CSMD1: variants seen among roughly 807,000 people sequenced by gnomAD.
CSMD1 encodes the protein CUB and sushi domain-containing protein 1.
A neutral mutation model predicts 417.5 loss-of-function variants in CSMD1; 213 were observed. The observed-to-expected ratio is 0.51, with a 90% confidence interval of 0.46 to 0.57. The LOEUF (loss-of-function observed/expected upper bound fraction) is 0.57, where lower values mean the gene tolerates loss of function less well. CSMD1 is among the 20% of genes least tolerant of loss of function. The probability of loss-of-function intolerance (pLI) is 0.00; values close to 1 mark genes in which losing one functional copy is unlikely to be tolerated. For missense variants in CSMD1, 6,923 were observed against 4,529.7 expected, an observed-to-expected ratio of 1.53 and a Z score of -15.17; for synonymous variants, 2,862 against 1,736.8, an observed-to-expected ratio of 1.65 and a Z score of -16.11.
chr8:3,878,267 G>C (rs1362382924), intron 5 of CSMD1, among the ~76,000 whole-genome samples: 2 of 152,096 alleles, frequency 1.3e-5, no homozygotes, highest in East Asian at 3.9e-4. Context: ...ACAATTTCCA[G>C]GAATGGGACT....
Position 3,831,796 on chromosome 8 carries a change from G to A in CSMD1, c.819-77754C>T, listed in dbSNP as rs142970392. On this transcript the variant is annotated intron_variant, in intron 5 of 69. Coordinates refer to ENST00000635120, the MANE Select transcript of CSMD1 (RefSeq NM_033225.6). ...ATTTGGGATATTTTTGCTCACACGC[G>A]GGACTGTGAAATGCTGCCCATCATA... Among the ~76,000 whole-genome samples the A allele has an allele frequency of 4.1e-3, 620 of 152,146 alleles. 5 individuals are homozygous for A. Among genetic ancestry groups the A allele is most frequent in the African/African-American group, 0.014 (588 of 41,516 alleles).
chr8:3,663,235 G>A (rs1461712773), intron 7 of CSMD1, among the ~76,000 whole-genome samples: 1 of 152,158 alleles, frequency 6.6e-6, no homozygotes, highest in Non-Finnish European at 1.5e-5. Context: ...AAGAGTTGAA[G>A]AGGCCGTTCT....
chr8:4,580,725 A>G (rs1057197740), intron 2 of CSMD1, among the ~76,000 whole-genome samples: 2 of 152,194 alleles, frequency 1.3e-5, no homozygotes, highest in African/African-American at 4.8e-5. Context: ...CTTCCTGATT[A>G]AATCACCCCA....
intron 3 of CSMD1, among the ~76,000 whole-genome samples, chr8:4,087,821 C>T (rs962707145): frequency 6.6e-6 from 1 of 151,982 alleles, no homozygotes; most frequent in South Asian, 2.1e-4. Flanking sequence ...ATTATTTTCC[C>T]TTTGTCACCT....
chr8:3,570,409 G>A (rs950860718), intron 10 of CSMD1, among the ~76,000 whole-genome samples: 13 of 151,054 alleles, frequency 8.6e-5, no homozygotes, highest in Admixed American at 3.3e-4. Flanking sequence ...AATGGGATAT[G>A]AAGGAACTCA....
At chr8:3,986,980 A>G (rs943763402) in intron 5 of CSMD1, among the ~76,000 whole-genome samples, 1 of 152,058 alleles carries the variant, frequency 6.6e-6, no homozygotes, top group Non-Finnish European at 1.5e-5. Context: ...TTCTTGAACT[A>G]CTGACATCAA....
At chr8:4,975,578 A>G (rs1158592209) in intron 1 of CSMD1, among the ~76,000 whole-genome samples, 1 of 152,192 alleles carries the variant, frequency 6.6e-6, no homozygotes, top group Non-Finnish European at 1.5e-5. Flanking sequence ...AATACAGTGG[A>G]GTTTGGACTA....
chr8:4,324,027 G>C (rs111963060), intron 3 of CSMD1, among the ~76,000 whole-genome samples: 3 of 152,168 alleles, frequency 2.0e-5, no homozygotes, highest in African/African-American at 7.2e-5. Context: ...CACACCCTTA[G>C]CAGGCCAGTT....
chr8:3,136,247 T>A (rs886765054), intron 41 of CSMD1, among the ~76,000 whole-genome samples: 1 of 151,374 alleles, frequency 6.6e-6, no homozygotes, highest in Admixed American at 6.6e-5. Flanking sequence ...CCAAGCCTTT[T>A]TTTTTTCTTT....
intron 26 of CSMD1, among the ~76,000 whole-genome samples, chr8:3,239,724 CG>C (rs1292417373): frequency 1.3e-5 from 2 of 152,074 alleles, no homozygotes; most frequent in Non-Finnish European, 2.9e-5. Flanking sequence ...CCTTTGCTGG[CG>C]TGGGGCGATT....
intron 3 of CSMD1, among the ~76,000 whole-genome samples, chr8:4,291,582 G>A (rs987175802): frequency 5.9e-5 from 9 of 152,200 alleles, no homozygotes; most frequent in Non-Finnish European, 8.8e-5. Flanking sequence ...AAGCTGAAGC[G>A]TAATATTTAA....
At chr8:4,614,133 T>C (rs577945467) in intron 2 of CSMD1, among the ~76,000 whole-genome samples, 1 of 152,206 alleles carries the variant, frequency 6.6e-6, no homozygotes, top group East Asian at 1.9e-4. Flanking sequence ...AACAATGAAC[T>C]TTTAAGTTCT....
chr8:3,886,255 G>A (rs1267841840), intron 5 of CSMD1, among the ~76,000 whole-genome samples: 2 of 152,004 alleles, frequency 1.3e-5, no homozygotes, highest in African/African-American at 4.8e-5. Context: ...CACCATGTTG[G>A]CCTGGCTGGT....
rs144676085 is a variant in CSMD1, at chr8:4,428,349, T to C, written c.303-8284A>G. ...CCTTTCTCTATCATCTAGTACCTAC[T>C]AGGGATTAAAAGTAATTCTAGGTAG... On this transcript the variant is annotated intron_variant, in intron 2 of 69. Transcript: ENST00000635120. Among the ~76,000 whole-genome samples, 25 of 152,324 alleles carry C rather than the reference T, an allele frequency of 1.6e-4. 1 individual carries two copies. Among genetic ancestry groups the C allele is most frequent in the African/African-American group, 5.8e-4 (24 of 41,588 alleles).
chr8:3,016,507 A>T (rs1401614674), intron 52 of CSMD1, among the ~76,000 whole-genome samples: 1 of 152,230 alleles, frequency 6.6e-6, no homozygotes, highest in Non-Finnish European at 1.5e-5. Flanking sequence ...ACACGTTATG[A>T]ATCTCAACCC....
At chr8:3,802,003 C>T (rs922142759) in intron 5 of CSMD1, among the ~76,000 whole-genome samples, 1 of 151,994 alleles carries the variant, frequency 6.6e-6, no homozygotes, top group Non-Finnish European at 1.5e-5. Flanking sequence ...ATTCTAAAAT[C>T]GGATTGTGAT....
intron 1 of CSMD1, among the ~76,000 whole-genome samples, chr8:4,814,662 G>A (rs79236464): frequency 6.6e-6 from 1 of 152,100 alleles, no homozygotes; most frequent in Non-Finnish European, 1.5e-5. Flanking sequence ...TAGGAGACTT[G>A]GTGTATATGG....
intron 8 of CSMD1, among the ~76,000 whole-genome samples, chr8:3,610,846 T>G (rs1801856833): frequency 1.3e-5 from 2 of 152,074 alleles, no homozygotes; most frequent in South Asian, 4.1e-4. Flanking sequence ...TTTACAATAC[T>G]CTAAGGTGTT....
chr8:2,972,314 T>G (rs1346044330), intron 57 of CSMD1, among the ~76,000 whole-genome samples: 1 of 152,186 alleles, frequency 6.6e-6, no homozygotes, highest in Non-Finnish European at 1.5e-5. Context: ...GTTGGTAAAA[T>G]TATTTGGTTG....
Sources: gnomAD v4.1 joint callset for allele counts (sites outside exome capture counted in the v4.1 genomes callset) on GRCh38, gnomAD v4.1.1 for gene constraint, MANE v1.5 for transcripts, NCBI Gene and HGNC (gene_info 2026-07-23, HGNC 2026-07-21) for gene names.